The following PCDHGA1 variants were observed in gnomAD, a reference collection of about 807,000 sequenced individuals.
PCDHGA1 encodes protocadherin gamma subfamily A, 1.
In PCDHGA1, 32 loss-of-function variants were observed where a neutral mutation model predicts 58.0. The ratio of observed to expected loss-of-function variants is 0.55; its 90% confidence interval spans 0.42 to 0.74. PCDHGA1 has a LOEUF of 0.74. PCDHGA1 is among the 30% of genes least tolerant of loss of function. The pLI is 0.00. For missense variants in PCDHGA1, 1,205 were observed against 1,182.3 expected (o/e 1.02, Z -0.28); for synonymous variants, 498 against 501.1 (o/e 0.99, Z 0.08).
At chr5:141,510,818 A>C in intron 3 of PCDHGA1, 129 bp from the exon 4 acceptor site, 1 of 1,551,540 alleles carries the variant, frequency 6.4e-7, no homozygotes, top group Non-Finnish European at 8.7e-7. Context: ...TGACCCCTAT[A>C]TTCCCAGTGC....
intron 1 of PCDHGA1, among the ~76,000 whole-genome samples, chr5:141,368,072 C>G (rs1432840614): frequency 6.6e-6 from 1 of 152,176 alleles, no homozygotes; most frequent in Non-Finnish European, 1.5e-5. Context: ...TATTTCCCTT[C>G]TGCATCTGAT....
intron 1 of PCDHGA1, chr5:141,371,891 G>C (rs771271665): frequency 3.0e-5 from 48 of 1,613,328 alleles, no homozygotes; most frequent in Non-Finnish European, 3.9e-5. Context: ...TGGAGCCGCG[G>C]GAGCTGTCGT....
chr5:141,494,756 A>G (rs780402065), intron 1 of PCDHGA1, 51 bp from the exon 2 acceptor site: 2 of 1,613,460 alleles, frequency 1.2e-6, no homozygotes, highest in South Asian at 1.1e-5. Context: ...CTCGGGTGAC[A>G]TTCTAACTTC....
chr5:141,356,761 G>A (rs778228688), intron 1 of PCDHGA1: 4 of 1,613,674 alleles, frequency 2.5e-6, no homozygotes, highest in East Asian at 2.2e-5. Context: ...TTGCTCCTTC[G>A]ACTATGAGCA....
At chr5:141,343,145 G>A (rs1158129827) in intron 1 of PCDHGA1, 1 of 232,534 alleles carries the variant, frequency 4.3e-6, no homozygotes, top group African/African-American at 2.3e-5. Context: ...CTCTGTGAAG[G>A]AAGCTACTGT....
chr5:141,472,954 C>A (rs2099305799), intron 1 of PCDHGA1, among the ~76,000 whole-genome samples: 1 of 143,370 alleles, frequency 7.0e-6, no homozygotes, highest in Admixed American at 7.3e-5. Flanking sequence ...CCATTGCACT[C>A]CAGCCTGGGG....
At chr5:141,472,058 C>T (rs149583469) in intron 1 of PCDHGA1, among the ~76,000 whole-genome samples, 114 of 152,176 alleles carry the variant, frequency 7.5e-4, no homozygotes, top group African/African-American at 2.6e-3. Context: ...AAATGATTGA[C>T]ATGTCTGTGG....
chr5:141,371,918 C>A (rs1055994137), intron 1 of PCDHGA1: 4 of 1,613,254 alleles, frequency 2.5e-6, no homozygotes, highest in East Asian at 2.2e-5. Flanking sequence ...TGTCCGTGAG[C>A]GCGCGGAGCG....
At chr5:141,348,842 G>A (rs1418880987) in intron 1 of PCDHGA1, among the ~76,000 whole-genome samples, 1 of 152,094 alleles carries the variant, frequency 6.6e-6, no homozygotes, top group Non-Finnish European at 1.5e-5. Flanking sequence ...GAGTATGGGT[G>A]AGCACTGCAA....
At chr5:141,350,903 G>T in intron 1 of PCDHGA1, 2 of 1,614,070 alleles carry the variant, frequency 1.2e-6, no homozygotes, top group East Asian at 4.5e-5. Context: ...CATGGATGGC[G>T]GGGACCCGCC....
intron 1 of PCDHGA1, chr5:141,427,247 T>C (rs1409945260): frequency 2.2e-6 from 1 of 456,582 alleles, no homozygotes; most frequent in Non-Finnish European, 4.4e-6. Context: ...AAGCTAAGGA[T>C]GGTGGAGGCA....
At chr5:141,379,462 A>G (rs1775613818) in intron 1 of PCDHGA1, 1 of 152,244 alleles carries the variant, frequency 6.6e-6, no homozygotes, top group African/African-American at 2.4e-5. Context: ...ATAAACTCTG[A>G]AAGTGTGAAT....
intron 1 of PCDHGA1, among the ~76,000 whole-genome samples, chr5:141,456,911 C>T (rs1262649726): frequency 2.0e-5 from 3 of 151,928 alleles, no homozygotes; most frequent in Non-Finnish European, 4.4e-5. Flanking sequence ...TGCAGTGAGC[C>T]GAGATCGCAC....
At chr5:141,414,395 G>GAAAAGTCC (rs1226242642) in intron 1 of PCDHGA1, 1 of 1,613,924 alleles carries the variant, frequency 6.2e-7, no homozygotes, top group South Asian at 1.1e-5. Context: ...AGTTATTACA[G>GAAAAGTCC]ATTGGTGATA....
intron 1 of PCDHGA1, among the ~76,000 whole-genome samples, chr5:141,453,193 A>G (rs2098757675): frequency 6.6e-6 from 1 of 152,142 alleles, no homozygotes; most frequent in Admixed American, 6.5e-5. Context: ...AGCTCACTGC[A>G]GCCTCAACCT....
At chr5:141,441,920 A>G (rs1276085080) in intron 1 of PCDHGA1, 8 of 352,988 alleles carry the variant, frequency 2.3e-5, no homozygotes, top group East Asian at 8.9e-5. Context: ...GTGAGACACA[A>G]TGCGTGGCTG....
At position 141,427,886 on chromosome 5, in the gene PCDHGA1, C is replaced by T. The variant is rs908553179; in HGVS notation, c.2422-66921C>T. The T allele has an allele frequency of 1.9e-6, 3 of 1,565,276 alleles. 1 individual carries two copies. On this transcript the variant is annotated intron_variant, in intron 1 of 3. Coordinates refer to ENST00000517417, the MANE Select transcript of PCDHGA1 (RefSeq NM_018912.3). ...TCGAGCTCACGATGCAGGCCCACGA[C>T]CAGGGCTCGCCCGCGCTCAGCGCCA...
chr5:141,475,903 G>C, intron 1 of PCDHGA1: 5 of 576,064 alleles, frequency 8.7e-6, no homozygotes, highest in Non-Finnish European at 1.5e-5. Context: ...TGCCGCTGTC[G>C]GCCAATGAAG....
chr5:141,410,687 T>A, intron 1 of PCDHGA1: 1 of 1,518,632 alleles, frequency 6.6e-7, no homozygotes, highest in Non-Finnish European at 8.8e-7. Context: ...TTAGGCATAC[T>A]ACTTTATTTT....
Sources: gnomAD v4.1 joint callset for allele counts (sites outside exome capture counted in the v4.1 genomes callset) on GRCh38, gnomAD v4.1.1 for gene constraint, MANE v1.5 for transcripts, NCBI Gene and HGNC (gene_info 2026-07-23, HGNC 2026-07-21) for gene names.